PPEF1: variants seen among roughly 807,000 people sequenced by gnomAD.
The protein encoded by PPEF1 is protein phosphatase with EF-hand domain 1.
In PPEF1, 12 loss-of-function variants were observed where a neutral mutation model predicts 53.3. The observed-to-expected ratio is 0.23, with a 90% CI of 0.14 to 0.36. The LOEUF (loss-of-function observed/expected upper bound fraction) is 0.36, where lower values mean the gene tolerates loss of function less well. Ranked by LOEUF, PPEF1 falls within the 10% of genes least tolerant of loss-of-function variation. The probability of loss-of-function intolerance (pLI) is 1.00; values close to 1 mark genes in which losing one functional copy is unlikely to be tolerated. For synonymous variants in PPEF1, 165 were observed against 176.7 expected, an observed-to-expected ratio of 0.93 and a Z score of 0.52; for missense variants, 334 against 490.4, an observed-to-expected ratio of 0.68 and a Z score of 3.01.
chrX:18,753,931 G>A (rs2045493681), intron 4 of PPEF1, among the ~76,000 whole-genome samples: 1 of 110,558 alleles, frequency 9.0e-6, no homozygotes, highest in Admixed American at 9.7e-5. Flanking sequence ...GCTTTTGTTG[G>A]GGAAAGTGTT....
chrX:18,709,516 T>TTTTA, intron 1 of PPEF1, among the ~76,000 whole-genome samples: 1 of 108,967 alleles, frequency 9.2e-6, no homozygotes, highest in African/African-American at 3.4e-5. Flanking sequence ...TTTGTTTTTT[T>TTTTA]TGAGACAGTC....
At chrX:18,777,542 C>T (rs754300216) in intron 6 of PPEF1, among the ~76,000 whole-genome samples, 90 of 109,244 alleles carry the variant, frequency 8.2e-4, no homozygotes, top group African/African-American at 2.7e-3. Flanking sequence ...TCTTTTGAGA[C>T]GGAGTCTTGC....
chrX:18,820,999 G>A (rs888519122), intron 13 of PPEF1, among the ~76,000 whole-genome samples: 6 of 109,426 alleles, frequency 5.5e-5, no homozygotes, highest in Non-Finnish European at 1.1e-4. Flanking sequence ...CGAGGAGGGT[G>A]GATCACGAGG....
chrX:18,792,272 G>A (rs2046337759), intron 10 of PPEF1, among the ~76,000 whole-genome samples: 1 of 112,291 alleles, frequency 8.9e-6, no homozygotes, highest in South Asian at 3.7e-4. Context: ...ATGTTTGATA[G>A]AATCCATCAG....
intron 3 of PPEF1, among the ~76,000 whole-genome samples, chrX:18,689,765 G>A (rs752283817): frequency 2.7e-4 from 30 of 110,917 alleles, no homozygotes; most frequent in Non-Finnish European, 5.1e-4. Context: ...CTGACAGATT[G>A]TGCACCCTTT....
In PPEF1 at chrX:18,782,351, C is replaced by T; in HGVS notation, c.726-15C>T. 2 of 1,156,625 alleles carry T rather than the reference C, an allele frequency of 1.7e-6. No homozygotes were observed. The highest frequency in any genetic ancestry group is 2.3e-6 in the Non-Finnish European group (2 of 855,744). ...TTATCAACAATCAAATCATTTAAAT[C>T]CCATTTTTTTTTAGGTATGGCTTCA... is the stretch of plus-strand genomic sequence containing the variant. On this transcript the variant is annotated splice_polypyrimidine_tract_variant and intron_variant, in intron 7 of 15. Coordinates refer to ENST00000470157, the MANE Select transcript of PPEF1 (RefSeq NM_001377996.1).
chrX:18,714,269 G>GT (rs752286222), intron 1 of PPEF1, among the ~76,000 whole-genome samples: 31,049 of 61,174 alleles, frequency 0.51, 5,651 homozygotes, highest in East Asian at 0.65. Flanking sequence ...TTTGTTTTTC[G>GT]TTTTTTTGTT....
intron 3 of PPEF1, among the ~76,000 whole-genome samples, chrX:18,747,052 C>T (rs914707548): frequency 3.6e-5 from 4 of 111,172 alleles, no homozygotes; most frequent in Non-Finnish European, 7.5e-5. Flanking sequence ...TGGGGTTCAA[C>T]TGGGCAGGGG....
intron 1 of PPEF1, among the ~76,000 whole-genome samples, chrX:18,717,632 G>A (rs2044486583): frequency 9.0e-6 from 1 of 111,289 alleles, no homozygotes; most frequent in African/African-American, 3.3e-5. Context: ...TCACTTCCTG[G>A]CAGTCTTTGG....
At chrX:18,757,597 A>T in intron 4 of PPEF1, 30 bp from the exon 5 acceptor site, 1 of 1,062,547 alleles carries the variant, frequency 9.4e-7, no homozygotes, top group Non-Finnish European at 1.3e-6. Context: ...CTTGTTCATT[A>T]CATCTATTTC....
chrX:18,787,638 A>G (rs2046232754), intron 9 of PPEF1, among the ~76,000 whole-genome samples: 1 of 109,571 alleles, frequency 9.1e-6, no homozygotes. Context: ...AGTTGTGTAC[A>G]GCTGGGCACG....
At chrX:18,692,966 A>C (rs1469128249) in intron 4 of PPEF1, among the ~76,000 whole-genome samples, 2 of 112,082 alleles carry the variant, frequency 1.8e-5, no homozygotes, top group Non-Finnish European at 3.8e-5. Context: ...TACATAAAAC[A>C]GCAGTGTACC....
intron 6 of PPEF1, among the ~76,000 whole-genome samples, chrX:18,762,531 A>C (rs761653625): frequency 3.6e-5 from 4 of 112,118 alleles, no homozygotes; most frequent in African/African-American, 1.3e-4. Flanking sequence ...CAAGTTTATT[A>C]AGAAAGTAAA....
intron 3 of PPEF1, among the ~76,000 whole-genome samples, chrX:18,743,212 T>C (rs2045225874): frequency 9.0e-6 from 1 of 111,535 alleles, no homozygotes; most frequent in South Asian, 3.7e-4. Flanking sequence ...GTTATAGCGC[T>C]TATATCTGTT....
chrX:18,713,976 A>T (rs2044384983), intron 1 of PPEF1, among the ~76,000 whole-genome samples: 1 of 111,890 alleles, frequency 8.9e-6, no homozygotes, highest in East Asian at 2.8e-4. Flanking sequence ...TAATATAAAT[A>T]ACACTTTGAA....
intron 10 of PPEF1, among the ~76,000 whole-genome samples, chrX:18,798,626 G>A (rs778555074): frequency 1.5e-4 from 17 of 110,740 alleles, no homozygotes; most frequent in Non-Finnish European, 2.8e-4. Context: ...TTTGGGCTGA[G>A]CACGGCTTTT....
chrX:18,766,685 C>T (rs975855667), intron 6 of PPEF1, among the ~76,000 whole-genome samples: 1 of 112,167 alleles, frequency 8.9e-6, no homozygotes, highest in African/African-American at 3.2e-5. Flanking sequence ...TGTCTGGCTA[C>T]CCACCCCACA....
chrX:18,689,978 AGAT>A (rs1337245317), intron 3 of PPEF1, among the ~76,000 whole-genome samples: 3 of 110,309 alleles, frequency 2.7e-5, no homozygotes, highest in African/African-American at 9.9e-5. Flanking sequence ...GTCAGGTCAA[AGAT>A]GACTTCCTCA....
At chrX:18,766,065 CA>C (rs61277288) in intron 6 of PPEF1, among the ~76,000 whole-genome samples, 1,210 of 63,900 alleles carry the variant, frequency 0.019, 24 homozygotes, top group African/African-American at 0.061. Context: ...AACTCTGTCT[CA>C]AAAAAAAAAA....
Sources: gnomAD v4.1 joint callset for allele counts (sites outside exome capture counted in the v4.1 genomes callset) on GRCh38, gnomAD v4.1.1 for gene constraint, MANE v1.5 for transcripts, NCBI Gene and HGNC (gene_info 2026-07-23, HGNC 2026-07-21) for gene names.